Variants in LMCD1 observed in about 807,000 individuals in gnomAD.
LMCD1 encodes the protein LIM and cysteine rich domains 1, also known as LIM and cysteine-rich domains protein 1.
A neutral mutation model predicts 42.7 loss-of-function variants in LMCD1; 32 were observed. The observed-to-expected ratio is 0.75, with a 90% CI of 0.57 to 1.01. The LOEUF is 1.01. Ranked by LOEUF, LMCD1 falls within the 50% of genes least tolerant of loss-of-function variation. The pLI, the probability that LMCD1 is intolerant of heterozygous loss-of-function variation, is 0.00. For synonymous variants in LMCD1, 178 were observed against 184.9 expected (o/e 0.96, Z 0.30); for missense variants, 458 against 483.1 (o/e 0.95, Z 0.49).
At chr3:8,565,679 C>G in intron 5 of LMCD1, 32 bp downstream of exon 5, 1 of 1,543,690 alleles carries the variant, frequency 6.5e-7, no homozygotes, top group Non-Finnish European at 8.8e-7. Flanking sequence ...GGTTAGGGGG[C>G]TTGAGGGACA....
chr3:8,552,028 C>T (rs947568801), intron 4 of LMCD1, among the ~76,000 whole-genome samples: 11 of 152,160 alleles, frequency 7.2e-5, no homozygotes, highest in African/African-American at 1.7e-4. Flanking sequence ...GGGAGAAAAA[C>T]GAAGGGCAAA....
chr3:8,506,740 G>A (rs1693889078), intron 1 of LMCD1, among the ~76,000 whole-genome samples: 1 of 152,166 alleles, frequency 6.6e-6, no homozygotes, highest in Non-Finnish European at 1.5e-5. Flanking sequence ...TTTAAGAACA[G>A]ATTTCTGGCA....
intron 3 of LMCD1, among the ~76,000 whole-genome samples, chr3:8,545,999 C>T (rs746572786): frequency 2.0e-4 from 31 of 152,272 alleles, no homozygotes; most frequent in East Asian, 7.7e-4. Context: ...TAATGGCTCA[C>T]GCCTATAATC....
intron 4 of LMCD1, chr3:8,550,311 CA>C: frequency 1.0e-6 from 1 of 999,828 alleles, no homozygotes; most frequent in Middle Eastern, 5.1e-4. Flanking sequence ...GTTTCTATGG[CA>C]ATTAACTTTT....
chr3:8,546,909 G>C (rs1694747096), intron 3 of LMCD1, among the ~76,000 whole-genome samples: 1 of 152,208 alleles, frequency 6.6e-6, no homozygotes, highest in African/African-American at 2.4e-5. Flanking sequence ...CTACCGTCTA[G>C]CAAATGATAC....
chr3:8,532,988 G>A (rs1225120434), intron 2 of LMCD1, among the ~76,000 whole-genome samples, 163 bp downstream of exon 2: 5 of 152,022 alleles, frequency 3.3e-5, no homozygotes, highest in Non-Finnish European at 7.4e-5. Context: ...ATTCAGAAAC[G>A]AAAAAAGTCC....
Position 8,532,904 on chromosome 3 carries a change from C to G in LMCD1, c.131+79C>G, listed in dbSNP as rs563864997. 1.4e-5 allele frequency: 16 copies of G among 1,142,110 alleles called. No individual in the cohort carries two copies. The South Asian group carries it at 1.9e-4, about 14-fold the overall frequency. The allele number at this position is 1,142,110 out of a possible 1,614,324, so 70.7% of individuals were successfully genotyped here. ...CTCGGGGAACCCTGGTTGCTTTCTT[C>G]GCTGAGACTGCTTTGGTTGTATGCG... On this transcript the variant is annotated intron_variant, in intron 2 of 5. Transcript: ENST00000157600.
intron 1 of LMCD1, among the ~76,000 whole-genome samples, chr3:8,513,998 G>A (rs954250499): frequency 6.6e-6 from 1 of 152,146 alleles, no homozygotes; most frequent in African/African-American, 2.4e-5. Flanking sequence ...CTCCCTGAAG[G>A]TGGGAAGAAA....
chr3:8,555,008 A>C (rs1431901650), intron 4 of LMCD1, among the ~76,000 whole-genome samples: 2 of 152,024 alleles, frequency 1.3e-5, no homozygotes, highest in Non-Finnish European at 2.9e-5. Flanking sequence ...GCCCCAAAAG[A>C]GCAAACTTAA....
chr3:8,516,608 A>T (rs1422453077), intron 1 of LMCD1, among the ~76,000 whole-genome samples: 1 of 152,164 alleles, frequency 6.6e-6, no homozygotes, highest in African/African-American at 2.4e-5. Context: ...AAAATGCTTA[A>T]TATCAGCACC....
chr3:8,548,756 G>T lies in LMCD1; in HGVS notation c.576G>T (p.Glu192Asp). Residue 192 changes from glutamate to aspartate, a missense_variant, in exon 4 of 6, where the codon GAG becomes GAT. Coordinates refer to ENST00000157600, the MANE Select transcript of LMCD1 (RefSeq NM_014583.4). ...MEEFVKQYKS[E>D]ALGVGEVALP... ...AATTTGTCAAGCAATATAAGAGCGAGGCCCTCGGCGTGGGAGAAGTGGCCC... is the reference window on the plus strand; with the variant it reads ...AATTTGTCAAGCAATATAAGAGCGATGCCCTCGGCGTGGGAGAAGTGGCCC... 1 of 1,613,648 alleles carries T rather than the reference G, an allele frequency of 6.2e-7. No homozygotes were observed. Among genetic ancestry groups the T allele is most frequent in the East Asian group, 2.2e-5 (1 of 44,856 alleles).
chr3:8,532,055 T>G (rs1259455774), intron 1 of LMCD1, among the ~76,000 whole-genome samples: 3 of 152,180 alleles, frequency 2.0e-5, no homozygotes, highest in Non-Finnish European at 4.4e-5. Flanking sequence ...GGGTCTGTAT[T>G]TCTGGCAAGC....
intron 3 of LMCD1, among the ~76,000 whole-genome samples, 188 bp from the exon 4 acceptor site, chr3:8,548,380 G>A (rs576382699): frequency 6.6e-6 from 1 of 152,126 alleles, no homozygotes; most frequent in Non-Finnish European, 1.5e-5. Flanking sequence ...TATTGCTTTT[G>A]TAATTTTCTA....
intron 3 of LMCD1, among the ~76,000 whole-genome samples, chr3:8,537,733 G>C (rs1223395951): frequency 6.6e-6 from 1 of 152,130 alleles, no homozygotes; most frequent in East Asian, 1.9e-4. Flanking sequence ...CCTCACTTCT[G>C]AACAGGAGAT....
At chr3:8,562,087 G>T (rs1404580755) in intron 4 of LMCD1, among the ~76,000 whole-genome samples, 3 of 152,144 alleles carry the variant, frequency 2.0e-5, no homozygotes, top group Admixed American at 2.0e-4. Context: ...CTCTCACAGA[G>T]AACTTCTCCC....
chr3:8,526,507 C>T (rs1249724628), intron 1 of LMCD1, among the ~76,000 whole-genome samples: 1 of 151,368 alleles, frequency 6.6e-6, no homozygotes, highest in Non-Finnish European at 1.5e-5. Flanking sequence ...GTTAGTTACC[C>T]TTCAGTTAAC....
At chr3:8,542,982 A>G (rs1470154527) in intron 3 of LMCD1, among the ~76,000 whole-genome samples, 2 of 152,184 alleles carry the variant, frequency 1.3e-5, no homozygotes, top group Admixed American at 6.5e-5. Flanking sequence ...CTTCCCAGGA[A>G]GGGCAATTAC....
intron 1 of LMCD1, among the ~76,000 whole-genome samples, chr3:8,517,369 C>T (rs1694119707): frequency 2.0e-5 from 3 of 152,230 alleles, no homozygotes; most frequent in Middle Eastern, 3.4e-3. Flanking sequence ...CCCAAGATAT[C>T]GTATTACATA....
intron 1 of LMCD1, among the ~76,000 whole-genome samples, chr3:8,521,869 G>A (rs1694213217): frequency 6.6e-6 from 1 of 152,122 alleles, no homozygotes; most frequent in Non-Finnish European, 1.5e-5. Flanking sequence ...CAGAAGGAGA[G>A]TTGTTTTTTC....
Sources: gnomAD v4.1 joint callset for allele counts (sites outside exome capture counted in the v4.1 genomes callset) on GRCh38, gnomAD v4.1.1 for gene constraint, MANE v1.5 for transcripts, NCBI Gene and HGNC (gene_info 2026-07-23, HGNC 2026-07-21) for gene names.